EMSY: variants seen among roughly 807,000 people sequenced by gnomAD.
EMSY encodes EMSY transcriptional repressor, BRCA2 interacting.
EMSY carries 26 observed loss-of-function variants against 134.6 expected under a neutral mutation model. The ratio of observed to expected loss-of-function variants is 0.19; its 90% CI spans 0.14 to 0.27. The LOEUF (loss-of-function observed/expected upper bound fraction) is 0.27, where lower values mean the gene tolerates loss of function less well. Among genes scored for constraint, EMSY ranks in the 10% least tolerant of loss-of-function variants. EMSY has a pLI of 1.00. For missense variants in EMSY, 1,305 were observed against 1,611.4 expected, an observed-to-expected ratio of 0.81 and a Z score of 3.26; for synonymous variants, 579 against 577.8, an observed-to-expected ratio of 1.00 and a Z score of -0.03.
Position 76,530,250 on chromosome 11 carries a change from C to T in EMSY, c.2194+1784C>T, listed in dbSNP as rs574675089. Among the ~76,000 whole-genome samples, 5 of 148,700 alleles carry T rather than the reference C, an allele frequency of 3.4e-5. No individual in the cohort carries two copies. In the East Asian group the frequency reaches 1.0e-3, roughly 30 times the overall value. ...TCTCGGCTCACTGCAACCTCCGTCT[C>T]CTGGGTTCAAGCGATTCTCCTGCCT... On this transcript the variant is annotated intron_variant, in intron 14 of 20. Transcript: ENST00000334736.
chr11:76,461,562 T>C (rs1948118314), intron 6 of EMSY, among the ~76,000 whole-genome samples: 1 of 152,286 alleles, frequency 6.6e-6, no homozygotes, highest in Non-Finnish European at 1.5e-5. Context: ...ATTAAATTTA[T>C]ATCTGATTTC....
chr11:76,494,127 C>T (rs879214450), intron 8 of EMSY, among the ~76,000 whole-genome samples: 5 of 152,230 alleles, frequency 3.3e-5, no homozygotes, highest in Admixed American at 2.6e-4. Flanking sequence ...TGGAGCTGCC[C>T]GCCCCACTGC....
exon 19 of EMSY, chr11:76,544,816 A>G: frequency 6.2e-7 from 1 of 1,614,004 alleles, no homozygotes. Context: ...AACAGACGGC[A>G]AGCCAGGTAA....
chr11:76,534,513 A>G (rs1951156796), intron 14 of EMSY, among the ~76,000 whole-genome samples: 1 of 152,024 alleles, frequency 6.6e-6, no homozygotes, highest in Non-Finnish European at 1.5e-5. Flanking sequence ...TTCTAGGTCT[A>G]TTGTGTATTG....
At chr11:76,445,694 G>A (rs1947353617) in intron 1 of EMSY, among the ~76,000 whole-genome samples, 7 of 152,166 alleles carry the variant, frequency 4.6e-5, no homozygotes, top group Admixed American at 2.0e-4. Flanking sequence ...CCCCGCTCTG[G>A]GGTCCCCTGG....
intron 7 of EMSY, among the ~76,000 whole-genome samples, chr11:76,471,230 T>C (rs565904314): frequency 6.6e-6 from 1 of 152,172 alleles, no homozygotes; most frequent in South Asian, 2.1e-4. Flanking sequence ...ATGGACTTTA[T>C]TTTTTAAAAC....
intron 9 of EMSY, among the ~76,000 whole-genome samples, chr11:76,502,650 A>G (rs1383740389): frequency 6.6e-6 from 1 of 152,096 alleles, no homozygotes; most frequent in African/African-American, 2.4e-5. Flanking sequence ...AAATCTATAA[A>G]TTAGCAATAT....
intron 9 of EMSY, 70 bp downstream of exon 10, chr11:76,496,539 A>G (rs772324144): frequency 4.6e-6 from 7 of 1,522,730 alleles, no homozygotes; most frequent in South Asian, 4.5e-5. Flanking sequence ...CTTCCAGTCC[A>G]TGAACACGGT....
At chr11:76,477,513 A>G (rs570650290) in intron 8 of EMSY, among the ~76,000 whole-genome samples, 2 of 152,106 alleles carry the variant, frequency 1.3e-5, no homozygotes, top group African/African-American at 4.8e-5. Flanking sequence ...ATATGTATTT[A>G]TTATATTTTA....
intron 9 of EMSY, among the ~76,000 whole-genome samples, chr11:76,507,531 A>G (rs1950120842): frequency 1.3e-5 from 2 of 152,186 alleles, no homozygotes; most frequent in African/African-American, 4.8e-5. Flanking sequence ...GGGCACTATT[A>G]TTTCATTAGA....
intron 7 of EMSY, among the ~76,000 whole-genome samples, chr11:76,470,535 T>C (rs543012716): frequency 1.3e-4 from 20 of 152,282 alleles, no homozygotes; most frequent in Admixed American, 4.6e-4. Context: ...TCTCTACTTT[T>C]CAAAATAATC....
chr11:76,485,698 G>A (rs1468075969), intron 8 of EMSY, among the ~76,000 whole-genome samples: 2 of 152,162 alleles, frequency 1.3e-5, no homozygotes, highest in Non-Finnish European at 2.9e-5. Context: ...TCTGGCCAGG[G>A]CAATCAGGCA....
chr11:76,497,476 G>C (rs1318530211), intron 9 of EMSY, among the ~76,000 whole-genome samples: 1 of 152,068 alleles, frequency 6.6e-6, no homozygotes, highest in African/African-American at 2.4e-5. Context: ...AGCCATCTGG[G>C]CCCGGAGAGT....
At position 76,508,746 on chromosome 11, in the gene EMSY, G is replaced by A. The variant is rs767347019; in HGVS notation, c.1364-4640G>A. Among the ~76,000 whole-genome samples, 23 of 152,154 alleles carry A rather than the reference G, an allele frequency of 1.5e-4. 1 individual carries two copies. The highest frequency in any genetic ancestry group is 3.4e-4 in the Non-Finnish European group (23 of 68,022). ...CTGGATAACTTGCTACAGCTTCTCC[G>A]TCAGCACTTGCTGTTTTGTTTTGCA... On this transcript the variant is annotated intron_variant, in intron 9 of 20. Coordinates refer to ENST00000334736, the Ensembl canonical transcript of EMSY.
At chr11:76,480,416 C>T (rs1309122998) in intron 8 of EMSY, among the ~76,000 whole-genome samples, 1 of 152,192 alleles carries the variant, frequency 6.6e-6, no homozygotes, top group Non-Finnish European at 1.5e-5. Flanking sequence ...GCAGCTTGTG[C>T]TCACTGCAGG....
chr11:76,545,197 C>T (rs1421288695), intron 19 of EMSY, among the ~76,000 whole-genome samples: 3 of 152,116 alleles, frequency 2.0e-5, no homozygotes, highest in Non-Finnish European at 2.9e-5. Flanking sequence ...AAGTAAACTA[C>T]AGTCTTTTAA....
chr11:76,536,872 T>C (rs1951241817), intron 15 of EMSY, among the ~76,000 whole-genome samples: 1 of 152,184 alleles, frequency 6.6e-6, no homozygotes, highest in African/African-American at 2.4e-5. Context: ...GGGTGACTTT[T>C]GTATTTTTGT....
intron 11 of EMSY, among the ~76,000 whole-genome samples, chr11:76,521,691 G>A (rs1019666878): frequency 2.6e-5 from 4 of 151,552 alleles, no homozygotes; most frequent in Non-Finnish European, 5.9e-5. Context: ...GTGAGCCCAG[G>A]AGTTGAAGCC....
chr11:76,458,596 G>T, intron 5 of EMSY: 2 of 359,842 alleles, frequency 5.6e-6, no homozygotes, highest in Non-Finnish European at 9.9e-6. Context: ...AAAAACCTCG[G>T]AATAGATTTT....
Sources: allele counts gnomAD v4.1 joint callset (sites outside exome capture counted in the v4.1 genomes callset), GRCh38; gene constraint gnomAD v4.1.1; transcripts MANE v1.5; gene names NCBI Gene and HGNC (gene_info 2026-07-23, HGNC 2026-07-21).